ADAMTS13: variants seen among roughly 807,000 people sequenced by gnomAD.
ADAMTS13 encodes the protein ADAM metallopeptidase with thrombospondin type 1 motif 13.
A neutral mutation model predicts 155.1 loss-of-function variants in ADAMTS13; 110 were observed. That is an observed-to-expected ratio of 0.71 (90% CI 0.61 to 0.83). The LOEUF is 0.83. Ranked by LOEUF, ADAMTS13 falls within the 40% of genes least tolerant of loss-of-function variation. The pLI is 0.00. For synonymous variants in ADAMTS13, 758 were observed against 756.4 expected (o/e 1.00, Z -0.03); for missense variants, 1,707 against 1,891.7 (o/e 0.90, Z 1.81).
chr9:133,450,725 G>A (rs1554794126), intron 23 of ADAMTS13, among the ~76,000 whole-genome samples: 1 of 152,214 alleles, frequency 6.6e-6, no homozygotes, highest in Non-Finnish European at 1.5e-5. Context: ...ACTCCAGCCT[G>A]GGCTACAGAG....
rs1841810473 is a variant in ADAMTS13 at position 133,443,228 on chromosome 9, G to T, written c.2235-148G>T. ...GGTTGTCCTCAGGCTCAGCCGTCTG[G>T]CAGCCTGGGAACACCTGGAGAGGCT... On this transcript the variant is annotated intron_variant, in intron 18 of 28. Transcript: ENST00000355699. 12 of 1,010,794 alleles carry T rather than the reference G, an allele frequency of 1.2e-5. No individual in the cohort carries two copies. In the East Asian group the frequency reaches 2.9e-4, roughly 24 times the overall value. The allele number at this position is 1,010,794 out of a possible 1,614,324, so 62.6% of individuals were successfully genotyped here. A position where few individuals can be genotyped will look rare whatever the true frequency, so the allele number is the denominator to read the frequency against.
chr9:133,435,986 T>C (rs1235051803), intron 11 of ADAMTS13, among the ~76,000 whole-genome samples: 2 of 150,296 alleles, frequency 1.3e-5, no homozygotes, highest in Non-Finnish European at 3.0e-5. Flanking sequence ...TCTTTTTTTT[T>C]TTTTTTTTTT....
Position 133,456,476 on chromosome 9 carries a change from C to T in ADAMTS13, c.3548-67C>T, listed in dbSNP as rs980958842. The T allele has an allele frequency of 9.5e-6, 15 of 1,578,372 alleles. No homozygotes were observed. Among genetic ancestry groups the T allele is most frequent in the Non-Finnish European group, 1.3e-5 (15 of 1,159,258 alleles). ...GGGACTTGAACTCGGCTCAGTCTAC[C>T]CTGGAGCCACTCCTCTGCTGACCAG... On this transcript the variant is annotated intron_variant, in intron 26 of 28. Coordinates refer to ENST00000355699, the MANE Select transcript of ADAMTS13 (RefSeq NM_139027.6). The surrounding 1 kb of genome is among the most constrained non-coding windows in gnomAD (Gnocchi z 4.4).
chr9:133,455,767 C>A, intron 25 of ADAMTS13: 1 of 981,342 alleles, frequency 1.0e-6, no homozygotes, highest in East Asian at 2.6e-5. Context: ...CAAAACCTCC[C>A]TTTTACTACT....
At chr9:133,452,301 A>G (rs1019934351) in intron 23 of ADAMTS13, among the ~76,000 whole-genome samples, 1 of 151,936 alleles carries the variant, frequency 6.6e-6, no homozygotes. Context: ...TAATAGAGAC[A>G]GGGTTTCACT....
In ADAMTS13 at chr9:133,456,571, C is replaced by T. The variant is rs1053758346; in HGVS notation, c.3576C>T (p.Leu1192=). 6 of 1,613,452 alleles carry T rather than the reference C, an allele frequency of 3.7e-6. No individual in the cohort carries two copies. Among genetic ancestry groups the T allele is most frequent in the Admixed American group, 1.7e-5 (1 of 59,958 alleles). The change falls in exon 27 of 29, where the codon CTC becomes CTT. Residue 1192 remains leucine, a synonymous_variant. Transcript: ENST00000355699. The surrounding 1 kb of genome is among the most constrained non-coding windows in gnomAD (Gnocchi z 4.4). ...ACATGTTGCTGCTTTGGGGCCGGCT[C>T]ACCTGGAGGAAGATGTGCAGGAAGC... ...AGDMLLLWGR[L]TWRKMCRKLL...
chr9:133,420,225 G>C (rs1554782735), upstream of ADAMTS13, among the ~76,000 whole-genome samples: 1 of 152,146 alleles, frequency 6.6e-6, no homozygotes, highest in African/African-American at 2.4e-5. Flanking sequence ...TTTTTGAAAA[G>C]AGACGGGGTT....
Position 133,459,348 on chromosome 9 carries a change from C to T in ADAMTS13, c.*168C>T, listed in dbSNP as rs142792179. The T allele has an allele frequency of 2.5e-3, 1,914 of 751,284 alleles. 16 individuals are homozygous for T. The highest frequency in any genetic ancestry group is 0.017 in the African/African-American group (990 of 58,230). 46.5% of individuals were successfully genotyped at this position (751,284 alleles called of 1,614,324 possible). A position where few individuals can be genotyped will look rare whatever the true frequency, so the allele number is the denominator to read the frequency against. ...GTGGGGACTCTGGAAAAGCAGCCCCCATTTCCTCGGGTACCAATAAATAAA... is the reference window on the plus strand; with the variant it reads ...GTGGGGACTCTGGAAAAGCAGCCCCTATTTCCTCGGGTACCAATAAATAAA... On this transcript the variant is annotated 3_prime_UTR_variant, in exon 29 of 29. Coordinates refer to ENST00000355699, the MANE Select transcript of ADAMTS13 (RefSeq NM_139027.6).
chr9:133,455,537 C>T, intron 25 of ADAMTS13, 102 bp downstream of exon 25: 1 of 1,610,616 alleles, frequency 6.2e-7, no homozygotes, highest in Non-Finnish European at 8.5e-7. Context: ...CCGGGGCCTG[C>T]TCTTCTCCCC....
upstream of ADAMTS13, among the ~76,000 whole-genome samples, chr9:133,419,501 T>C (rs1233817264): frequency 6.6e-6 from 1 of 151,388 alleles, no homozygotes; most frequent in Non-Finnish European, 1.5e-5. Context: ...ATATAGGGAG[T>C]GAAGGGTTAA....
intron 18 of ADAMTS13, among the ~76,000 whole-genome samples, chr9:133,443,020 T>C (rs138535152): frequency 2.0e-5 from 3 of 152,318 alleles, no homozygotes; most frequent in Non-Finnish European, 4.4e-5. Context: ...CCGAGGCCTC[T>C]CTTGAGCTCA....
At chr9:133,449,638 A>G in intron 22 of ADAMTS13, 145 bp from the exon 23 acceptor site, 1 of 875,244 alleles carries the variant, frequency 1.1e-6, no homozygotes, top group East Asian at 2.6e-5. Context: ...GTGAGGACAC[A>G]AGGGGGCCTC....
At position 133,440,748 on chromosome 9, in the gene ADAMTS13, C is replaced by G. The variant is rs980019645; in HGVS notation, c.1968+223C>G. ...TATCCAAATGTGCCTGTGCCCAGAG[C>G]CCGTGGGAGAAGGCCCTGCAGTTCT... On this transcript the variant is annotated intron_variant, in intron 16 of 28. Coordinates refer to ENST00000355699, the MANE Select transcript of ADAMTS13 (RefSeq NM_139027.6). This position sits in a 1 kb window ranked among gnomAD's most constrained non-coding sequence, Gnocchi z 4.3. Among the ~76,000 whole-genome samples, 9 of 152,172 alleles carry G rather than the reference C, an allele frequency of 5.9e-5. No homozygotes were observed. Among genetic ancestry groups the G allele is most frequent in the African/African-American group, 2.2e-4 (9 of 41,436 alleles).
chr9:133,433,493 G>A lies in ADAMTS13; in HGVS notation c.1208G>A (p.Gly403Asp), dbSNP rs782072116. 6.2e-7 allele frequency: 1 copy of A among 1,613,560 alleles called. No homozygotes were observed. The highest frequency in any genetic ancestry group is 8.5e-7 in the Non-Finnish European group (1 of 1,179,886). Residue 403 changes from glycine to aspartate, a missense_variant, in exon 10 of 29, where the codon GGT (glycine) becomes GAT (aspartate). Around this residue, in one of 3 missense-constraint regions of ADAMTS13, gnomAD observed 733 missense variants for 749.6 expected, o/e 0.98. Coordinates refer to ENST00000355699, the MANE Select transcript of ADAMTS13 (RefSeq NM_139027.6). ...CCTTGCTCCCGCTCCTGCGGAGGAGGTGTGGTCACCAGGAGGCGGCAGTGC... is the reference window on the plus strand; with the variant it reads ...CCTTGCTCCCGCTCCTGCGGAGGAGATGTGGTCACCAGGAGGCGGCAGTGC... ...RSPCSRSCGG[G>D]VVTRRRQCNN... is the part of the protein sequence containing the mutation.
At position 133,442,721 on chromosome 9, in the gene ADAMTS13, G is replaced by A. The variant is rs1179078266; in HGVS notation, c.2212G>A (p.Val738Met). Reference protein sequence around the residue: ...QQPPAWPEACVLEPCPPYWAV... With the variant: ...QQPPAWPEACMLEPCPPYWAV... ...GCCACCAGCGTGGCCAGAGGCCTGC[G>A]TGCTCGAACCCTGCCCTCCCTAGTG... is the stretch of plus-strand genomic sequence containing the variant. The change falls in exon 18 of 29, where the codon GTG (valine) becomes ATG (methionine). Residue 738 changes from valine to methionine, a missense_variant. Val to Met is a conservative substitution (Grantham distance 21). Around this residue, in one of 3 missense-constraint regions of ADAMTS13, gnomAD observed 961 missense variants for 1,107.9 expected, o/e 0.87. Coordinates refer to ENST00000355699, the MANE Select transcript of ADAMTS13 (RefSeq NM_139027.6). 3.1e-6 allele frequency: 5 copies of A among 1,612,800 alleles called. No homozygotes were observed. The highest frequency in any genetic ancestry group is 1.7e-4 in the Middle Eastern group (1 of 6,056).
In ADAMTS13 at chr9:133,440,282, T is replaced by C; in HGVS notation, c.1787-62T>C. 6.3e-7 allele frequency: 1 copy of C among 1,599,446 alleles called. No homozygotes were observed. On this transcript the variant is annotated intron_variant, in intron 15 of 28. Coordinates refer to ENST00000355699, the MANE Select transcript of ADAMTS13 (RefSeq NM_139027.6). This position sits in a 1 kb window ranked among gnomAD's most constrained non-coding sequence, Gnocchi z 4.3. ...ACCCCGGGAAGGAGAGTCACTGACA[T>C]GTGCCTGTGAGGAGGATGGGTGCTC...
At chr9:133,423,227 T>G in intron 2 of ADAMTS13, 60 bp downstream of exon 2, 1 of 1,504,302 alleles carries the variant, frequency 6.6e-7, no homozygotes, top group South Asian at 1.1e-5. Context: ...AAGGGGTATC[T>G]CACCACTGAG....
chr9:133,423,231 C>G, intron 2 of ADAMTS13, 64 bp downstream of exon 2: 1 of 1,486,684 alleles, frequency 6.7e-7, no homozygotes. Context: ...GGTATCTCAC[C>G]ACTGAGTCAG....
At chr9:133,423,312 CTG>C in intron 2 of ADAMTS13, 145 bp downstream of exon 2, 1 of 758,694 alleles carries the variant, frequency 1.3e-6, no homozygotes, top group Non-Finnish European at 2.2e-6. Context: ...TTAATTAACT[CTG>C]TTACTTCCTG....
Sources: allele counts gnomAD v4.1 joint callset (sites outside exome capture counted in the v4.1 genomes callset), GRCh38; gene constraint gnomAD v4.1.1; regional missense constraint gnomAD v4.1.1; non-coding constraint Gnocchi (gnomAD v3.1); transcripts MANE v1.5; gene names NCBI Gene and HGNC (gene_info 2026-07-23, HGNC 2026-07-21).